PDE1C: variants seen among roughly 807,000 people sequenced by gnomAD.
The protein encoded by PDE1C is dual specificity calcium/calmodulin-dependent 3',5'-cyclic nucleotide phosphodiesterase 1C.
In PDE1C, 62 loss-of-function variants were observed where a neutral mutation model predicts 93.1. That is an observed-to-expected ratio of 0.67 (90% confidence interval 0.54 to 0.82). PDE1C has a LOEUF of 0.82. PDE1C is among the 40% of genes least tolerant of loss of function. PDE1C has a pLI of 0.00. For missense variants in PDE1C, 742 were observed against 884.6 expected (o/e 0.84, Z 2.04); for synonymous variants, 325 against 310.1 (o/e 1.05, Z -0.50).
chr7:31,975,776 G>T (rs2129053599), intron 2 of PDE1C, among the ~76,000 whole-genome samples: 1 of 152,254 alleles, frequency 6.6e-6, no homozygotes, highest in East Asian at 1.9e-4. Flanking sequence ...GCCACGTAAA[G>T]TTGTGCCACT....
intron 3 of PDE1C, among the ~76,000 whole-genome samples, chr7:32,114,958 G>A (rs930521223): frequency 1.2e-4 from 18 of 152,246 alleles, no homozygotes; most frequent in African/African-American, 2.6e-4. Flanking sequence ...AAAAAGTCAA[G>A]AAACAATAGA....
chr7:31,831,908 C>T (rs1162081179), intron 11 of PDE1C, among the ~76,000 whole-genome samples: 1 of 152,076 alleles, frequency 6.6e-6, no homozygotes, highest in East Asian at 1.9e-4. Context: ...GGGGAATACT[C>T]ATCAGATAAA....
At chr7:32,387,064 A>G (rs1345695977) in intron 1 of PDE1C, among the ~76,000 whole-genome samples, 4 of 151,128 alleles carry the variant, frequency 2.6e-5, no homozygotes, top group Non-Finnish European at 2.9e-5. Flanking sequence ...AAGATTAGGG[A>G]GTGGTGATGA....
Position 31,824,860 on chromosome 7 carries a change from C to T in PDE1C, c.1406+7G>A. On this transcript the variant is annotated splice_region_variant and intron_variant, in intron 13 of 17. Transcript: ENST00000396191. ...CTCACCCTCAGCCCTCAAGCTTCCC[C>T]ACTGACCTCGAACGCCTCTGTCCTG... is the stretch of plus-strand genomic sequence containing the variant. 6.2e-7 allele frequency: 1 copy of T among 1,612,528 alleles called. No homozygotes were observed. The highest frequency in any genetic ancestry group is 8.5e-7 in the Non-Finnish European group (1 of 1,178,916).
At chr7:31,644,067 T>C in the PDE1C span, 1 of 923,760 alleles carries the variant, frequency 1.1e-6, no homozygotes, top group Non-Finnish European at 1.6e-6. Flanking sequence ...ACTTTTCTAT[T>C]TTAAATCATG....
At chr7:31,779,900 C>G (rs570416648) in intron 16 of PDE1C, among the ~76,000 whole-genome samples, 1 of 152,294 alleles carries the variant, frequency 6.6e-6, no homozygotes, top group South Asian at 2.1e-4. Context: ...GTTGCTCCCT[C>G]TCATGTCCAG....
chr7:32,038,326 C>A (rs1006811389), intron 2 of PDE1C, among the ~76,000 whole-genome samples: 4 of 152,076 alleles, frequency 2.6e-5, no homozygotes, highest in African/African-American at 9.7e-5. Context: ...AAGAATTAAT[C>A]TCCCGCACAA....
At chr7:32,205,980 G>C (rs536141847) in intron 2 of PDE1C, among the ~76,000 whole-genome samples, 22 of 152,302 alleles carry the variant, frequency 1.4e-4, no homozygotes, top group Admixed American at 1.1e-3. Flanking sequence ...TTTCATTTTT[G>C]AAGTCAGCGA....
chr7:32,370,786 T>TA (rs1317811419), intron 1 of PDE1C, among the ~76,000 whole-genome samples: 17 of 149,730 alleles, frequency 1.1e-4, no homozygotes, highest in African/African-American at 4.2e-4. Context: ...TAAAGTATAA[T>TA]AATAAATAAA....
the PDE1C span, among the ~76,000 whole-genome samples, chr7:31,669,735 T>C: frequency 6.6e-6 from 1 of 152,256 alleles, no homozygotes; most frequent in East Asian, 1.9e-4. Flanking sequence ...TAGGCTTTGT[T>C]AGACCATTAC....
At chr7:32,096,689 T>C (rs970139682) in intron 3 of PDE1C, among the ~76,000 whole-genome samples, 23 of 152,324 alleles carry the variant, frequency 1.5e-4, no homozygotes, top group African/African-American at 5.5e-4. Flanking sequence ...CCACTATGTC[T>C]TCTGCACATA....
intron 5 of PDE1C, among the ~76,000 whole-genome samples, chr7:31,877,557 G>C (rs1796744072): frequency 6.6e-6 from 1 of 151,436 alleles, no homozygotes; most frequent in African/African-American, 2.4e-5. Context: ...ATCTTGCTGA[G>C]TCTCGGTTTC....
the PDE1C span, chr7:31,707,321 T>C: frequency 3.8e-6 from 6 of 1,568,946 alleles, no homozygotes; most frequent in Admixed American, 1.7e-5. Context: ...ATAGGTTAGA[T>C]TGGTTCCCTG....
chr7:31,936,091 T>A (rs1185237395), intron 2 of PDE1C, among the ~76,000 whole-genome samples: 1 of 152,124 alleles, frequency 6.6e-6, no homozygotes, highest in Non-Finnish European at 1.5e-5. Context: ...TATTCTGCAA[T>A]CCAAAAATTG....
At chr7:32,194,120 T>A (rs2128823601) in intron 2 of PDE1C, among the ~76,000 whole-genome samples, 1 of 152,186 alleles carries the variant, frequency 6.6e-6, no homozygotes. Context: ...TTCACCATGT[T>A]CGCCAGGATG....
At chr7:31,647,639 A>ACTCCAGC in the PDE1C span, among the ~76,000 whole-genome samples, 1 of 141,670 alleles carries the variant, frequency 7.1e-6, no homozygotes, top group Non-Finnish European at 1.5e-5. Flanking sequence ...ATGCCACTGC[A>ACTCCAGC]CTCCAGCCTG....
At chr7:32,189,608 A>G (rs1228072210) in intron 2 of PDE1C, among the ~76,000 whole-genome samples, 1 of 152,218 alleles carries the variant, frequency 6.6e-6, no homozygotes, top group Non-Finnish European at 1.5e-5. Flanking sequence ...GAATGAATTC[A>G]GGGATATAGT....
At chr7:31,905,851 T>C (rs1800526130) in intron 2 of PDE1C, among the ~76,000 whole-genome samples, 1 of 152,146 alleles carries the variant, frequency 6.6e-6, no homozygotes, top group Non-Finnish European at 1.5e-5. Context: ...CCCATGCTAT[T>C]GTTCTCATGA....
At chr7:31,982,639 G>C (rs1812544644) in intron 2 of PDE1C, among the ~76,000 whole-genome samples, 1 of 151,886 alleles carries the variant, frequency 6.6e-6, no homozygotes, top group Admixed American at 6.6e-5. Flanking sequence ...GTTTTGAAAG[G>C]GGCCTGTGAA....
Sources: gnomAD v4.1 joint callset for allele counts (sites outside exome capture counted in the v4.1 genomes callset) on GRCh38, gnomAD v4.1.1 for gene constraint, MANE v1.5 for transcripts, NCBI Gene and HGNC (gene_info 2026-07-23, HGNC 2026-07-21) for gene names.